TANC2: variants seen among roughly 807,000 people sequenced by gnomAD.
The protein encoded by TANC2 is tetratricopeptide repeat, ankyrin repeat and coiled-coil containing 2.
Under a neutral mutation model 210.5 loss-of-function variants are expected in TANC2, and 26 were observed. The ratio of observed to expected loss-of-function variants is 0.12; its 90% CI spans 0.09 to 0.17. The LOEUF (loss-of-function observed/expected upper bound fraction) is 0.17. Among genes scored for constraint, TANC2 ranks in the 10% least tolerant of loss-of-function variants. The pLI, the probability that TANC2 is intolerant of heterozygous loss-of-function variation, is 1.00. For synonymous variants in TANC2, 931 were observed against 967.1 expected (o/e 0.96, Z 0.69); for missense variants, 2,129 against 2,608.9 (o/e 0.82, Z 4.01).
intron 4 of TANC2, among the ~76,000 whole-genome samples, chr17:63,119,426 A>C (rs2038376708): frequency 6.6e-6 from 1 of 152,322 alleles, no homozygotes; most frequent in South Asian, 2.1e-4. Context: ...GAAAGCCTTT[A>C]AATAGGGAGA....
chr17:62,975,813 T>C (rs1316971050), intron 1 of TANC2, among the ~76,000 whole-genome samples: 2 of 152,068 alleles, frequency 1.3e-5, no homozygotes, highest in East Asian at 3.9e-4. Context: ...ATGAAAAATA[T>C]CTTGGTGAAA....
intron 1 of TANC2, among the ~76,000 whole-genome samples, chr17:62,987,415 A>G (rs989852137): frequency 2.0e-5 from 3 of 152,136 alleles, no homozygotes; most frequent in Non-Finnish European, 2.9e-5. Flanking sequence ...CAGAGCGTGA[A>G]TGGGGGTTAG....
chr17:63,229,352 A>C (rs1227894502), intron 7 of TANC2, among the ~76,000 whole-genome samples: 1 of 152,158 alleles, frequency 6.6e-6, no homozygotes, highest in Non-Finnish European at 1.5e-5. Context: ...TTTTTCCGTC[A>C]ATATGCATCA....
At chr17:63,208,400 A>G (rs2041787356) in intron 7 of TANC2, among the ~76,000 whole-genome samples, 1 of 152,156 alleles carries the variant, frequency 6.6e-6, no homozygotes, top group Non-Finnish European at 1.5e-5. Flanking sequence ...CCTTATAACA[A>G]TATTGTACTG....
intron 9 of TANC2, among the ~76,000 whole-genome samples, chr17:63,310,560 G>A (rs1175355536): frequency 6.6e-6 from 1 of 152,148 alleles, no homozygotes; most frequent in Non-Finnish European, 1.5e-5. Context: ...AATGTCCTCA[G>A]GGTTAAAAAT....
chr17:63,098,476 ACACATACACTCT>A (rs1275033950), intron 3 of TANC2, among the ~76,000 whole-genome samples: 370 of 34,844 alleles, frequency 0.011, 9 homozygotes, highest in African/African-American at 0.052. Flanking sequence ...ACACACACAC[ACACATACACTCT>A]CTCTCTCTCT....
intron 5 of TANC2, among the ~76,000 whole-genome samples, chr17:63,177,405 C>T (rs1197993718): frequency 2.0e-5 from 3 of 150,850 alleles, no homozygotes; most frequent in African/African-American, 7.3e-5. Flanking sequence ...AATAAGATAG[C>T]AACTAGATGG....
At chr17:63,097,524 CCA>C (rs958045029) in intron 3 of TANC2, among the ~76,000 whole-genome samples, 2 of 151,262 alleles carry the variant, frequency 1.3e-5, no homozygotes, top group African/African-American at 4.9e-5. Flanking sequence ...TTGTCTTGGA[CCA>C]CACATAAAAT....
At chr17:63,357,422 G>A (rs898844125) in intron 14 of TANC2, among the ~76,000 whole-genome samples, 4 of 152,182 alleles carry the variant, frequency 2.6e-5, no homozygotes, top group South Asian at 2.1e-4. Flanking sequence ...TGCAGCAACC[G>A]ACTGATGCAC....
intron 17 of TANC2, among the ~76,000 whole-genome samples, chr17:63,394,866 C>G (rs2048103775): frequency 6.6e-6 from 1 of 152,196 alleles, no homozygotes; most frequent in East Asian, 1.9e-4. Flanking sequence ...GAGAGCAGAA[C>G]CTATATATTT....
At position 63,420,670 on chromosome 17, in the gene TANC2, G is replaced by A. The variant is rs758597698; in HGVS notation, c.4940G>A (p.Arg1647His). Reference sequence around the variant, plus strand: ...AGATCCCAGTCTGGTTCACCCGTGCGCTATCAGCAGGAAACAAGCGTCAGT... The same window carrying A: ...AGATCCCAGTCTGGTTCACCCGTGCACTATCAGCAGGAAACAAGCGTCAGT... Residue 1647 changes from arginine to histidine, a missense_variant, in exon 28 of 28, where the codon CGC (arginine) becomes CAC (histidine). Coordinates refer to ENST00000689528, the Ensembl canonical transcript of TANC2. This position sits in a 1 kb window ranked among gnomAD's most constrained non-coding sequence, Gnocchi z 4.2. 49 of 1,613,524 alleles carry A rather than the reference G, an allele frequency of 3.0e-5. 1 individual carries two copies. Among genetic ancestry groups the A allele is most frequent in the East Asian group, 8.9e-5 (4 of 44,878 alleles).
rs867989575 is a variant in TANC2, at chr17:63,354,656, A to G, written c.1975-127A>G. 28 of 1,244,378 alleles carry G rather than the reference A, an allele frequency of 2.3e-5. No individual in the cohort carries two copies. In the African/African-American group the frequency reaches 3.2e-4, roughly 14 times the overall value. 77.1% of individuals were successfully genotyped at this position (1,244,378 alleles called of 1,614,324 possible). On this transcript the variant is annotated intron_variant, in intron 13 of 27. Transcript: ENST00000689528. ...TTTGTTTTACTTTTTGGATACTAAT[A>G]CTTGATCATGTTTCCCTGTTTGGCC...
chr17:63,252,587 C>T (rs1417815796), intron 8 of TANC2, among the ~76,000 whole-genome samples: 1 of 152,100 alleles, frequency 6.6e-6, no homozygotes, highest in Non-Finnish European at 1.5e-5. Flanking sequence ...TCTCTGTCTC[C>T]ATGAGTTCAG....
intron 2 of TANC2, among the ~76,000 whole-genome samples, chr17:63,024,626 T>C (rs1405955439): frequency 2.0e-5 from 3 of 152,202 alleles, no homozygotes; most frequent in Non-Finnish European, 4.4e-5. Flanking sequence ...ACCCAGCCCC[T>C]ATTCAAGATG....
chr17:63,223,242 C>G (rs1346207271), intron 7 of TANC2, among the ~76,000 whole-genome samples: 1 of 152,142 alleles, frequency 6.6e-6, no homozygotes, highest in Non-Finnish European at 1.5e-5. Flanking sequence ...CACTTTGATG[C>G]AGGTGCACCC....
Position 63,099,118 on chromosome 17 carries a change from A to G in TANC2, c.140-57A>G, listed in dbSNP as rs1469496072. 9.3e-6 allele frequency: 14 copies of G among 1,506,240 alleles called. No individual in the cohort carries two copies. In the Admixed American group the frequency reaches 1.7e-4, roughly 18 times the overall value. 93.3% of individuals were successfully genotyped at this position (1,506,240 alleles called of 1,614,324 possible). On this transcript the variant is annotated intron_variant, in intron 3 of 27. Coordinates refer to ENST00000689528, the Ensembl canonical transcript of TANC2. Reference sequence around the variant, plus strand: ...TGGATTATCCTATAAGATGTATTTTAATAGGGAAGGCAGGATCTTTTCTCA... The same window carrying G: ...TGGATTATCCTATAAGATGTATTTTGATAGGGAAGGCAGGATCTTTTCTCA...
chr17:63,319,884 C>G (rs1422534132), intron 11 of TANC2, among the ~76,000 whole-genome samples: 1 of 152,194 alleles, frequency 6.6e-6, no homozygotes, highest in East Asian at 1.9e-4. Flanking sequence ...CAGGCAGCCA[C>G]TTTTACCTCT....
chr17:63,210,787 T>C (rs972457330), intron 7 of TANC2, among the ~76,000 whole-genome samples: 8 of 152,210 alleles, frequency 5.3e-5, no homozygotes, highest in Non-Finnish European at 1.2e-4. Context: ...ATGCAATAAA[T>C]GCACATTTCA....
intron 7 of TANC2, among the ~76,000 whole-genome samples, chr17:63,225,217 C>T (rs2042297892): frequency 6.6e-6 from 1 of 152,178 alleles, no homozygotes; most frequent in Non-Finnish European, 1.5e-5. Context: ...ATTGTTAGTT[C>T]TTATTACAGT....
Sources: allele counts gnomAD v4.1 joint callset (sites outside exome capture counted in the v4.1 genomes callset), GRCh38; gene constraint gnomAD v4.1.1; non-coding constraint Gnocchi (gnomAD v3.1); transcripts MANE v1.5; gene names NCBI Gene and HGNC (gene_info 2026-07-23, HGNC 2026-07-21).